The following HEATR4 variants were observed in gnomAD, a reference collection of about 807,000 sequenced individuals.
HEATR4 encodes HEAT repeat-containing protein 4.
A neutral mutation model predicts 108.8 loss-of-function variants in HEATR4; 95 were observed. That is an observed-to-expected ratio of 0.87 (90% CI 0.74 to 1.04). HEATR4 has a LOEUF of 1.04. Among genes scored for constraint, HEATR4 ranks in the 50% least tolerant of loss-of-function variants. The pLI is 0.00. For synonymous variants in HEATR4, 443 were observed against 459.4 expected, an observed-to-expected ratio of 0.96 and a Z score of 0.46; for missense variants, 1,152 against 1,253.8, an observed-to-expected ratio of 0.92 and a Z score of 1.23.
chr14:73,612,369 A>C, the HEATR4 span: 4 of 417,708 alleles, frequency 9.6e-6, no homozygotes, highest in Non-Finnish European at 1.7e-5. Context: ...TTATTTCAGC[A>C]GATACTCTTT....
Position 73,495,344 on chromosome 14 carries a change from A to G in HEATR4, c.2669T>C (p.Leu890Pro). ...TTTTCCCATGACCATCTCCAGCTTG[A>G]GTATTTTGTGTGTCAGCAAGTCCTT... ...SQKDLLTHKILKLEMVMGKVR... is the reference protein window; with the variant it reads ...SQKDLLTHKIPKLEMVMGKVR... Residue 890 changes from leucine (L) to proline (P), a missense_variant, in exon 16 of 18, where the codon CTC (leucine) becomes CCC (proline). By Grantham distance (98) the Leu-to-Pro change is moderately conservative. Coordinates refer to ENST00000553558, the MANE Select transcript of HEATR4 (RefSeq NM_001220484.1). 1 of 1,614,018 alleles carries G rather than the reference A, an allele frequency of 6.2e-7. No homozygotes were observed. Among genetic ancestry groups the G allele is most frequent in the East Asian group, 2.2e-5 (1 of 44,856 alleles).
At chr14:73,510,147 C>A (rs1005679359) in intron 7 of HEATR4, among the ~76,000 whole-genome samples, 2 of 151,798 alleles carry the variant, frequency 1.3e-5, no homozygotes, top group African/African-American at 4.8e-5. Context: ...AGACGTGTGC[C>A]ACCGCCCCCA....
chr14:73,566,067 G>A, the HEATR4 span, among the ~76,000 whole-genome samples: 1 of 152,010 alleles, frequency 6.6e-6, no homozygotes, highest in Non-Finnish European at 1.5e-5. Context: ...TTGACACAAA[G>A]GTTCTCCAAG....
At chr14:73,511,556 TAAATAAATAAAATA>T (rs1285275707) in intron 7 of HEATR4, among the ~76,000 whole-genome samples, 3 of 98,106 alleles carry the variant, frequency 3.1e-5, no homozygotes, top group African/African-American at 1.1e-4. Context: ...AATAAATAAA[TAAATAAATAAAATA>T]AAATAAAAAA....
rs111648899 is a variant in HEATR4 at position 73,505,811 on chromosome 14, A to G, written c.1986+656T>C. ...TCGAATGATCTTTGATGAAGAACCA[A>G]TTTTGGCGGGGGGGAAATATGTCAT... On this transcript the variant is annotated intron_variant, in intron 10 of 17. Transcript: ENST00000553558. Among the ~76,000 whole-genome samples the G allele has an allele frequency of 8.5e-3, 1,291 of 151,112 alleles. 15 individuals are homozygous for G. Among genetic ancestry groups the G allele is most frequent in the African/African-American group, 0.029 (1,197 of 41,090 alleles).
Position 73,545,978 on chromosome 14 carries a change from A to G in HEATR4, c.-152+12773T>C, listed in dbSNP as rs1319395740. On this transcript the variant is annotated intron_variant, in intron 1 of 17. Transcript: ENST00000553558. ...AGCCTGGGTAACATAGTGGGACACCATCTTATAAAAACAATTTTTTTTTGA... is the reference window on the plus strand; with the variant it reads ...AGCCTGGGTAACATAGTGGGACACCGTCTTATAAAAACAATTTTTTTTTGA... 3.7e-4 allele frequency among the ~76,000 whole-genome samples: 42 copies of G among 113,706 alleles called. 8 individuals carry two copies. The highest frequency in any genetic ancestry group is 1.2e-3 in the African/African-American group (41 of 35,120). The allele number at this position is 113,706 out of a possible 152,430, so 74.6% of individuals were successfully genotyped here.
chr14:73,482,499 G>A (rs961218380), intron 17 of HEATR4, among the ~76,000 whole-genome samples: 3 of 152,028 alleles, frequency 2.0e-5, no homozygotes, highest in African/African-American at 4.8e-5. Context: ...TCCAGTCTGG[G>A]CGACACAGCC....
intron 10 of HEATR4, 43 bp downstream of exon 10, chr14:73,506,424 C>G: frequency 6.9e-7 from 1 of 1,449,838 alleles, no homozygotes; most frequent in Non-Finnish European, 9.7e-7. Flanking sequence ...GTAGCTCAGC[C>G]TCTCTTAGGC....
At position 73,512,164 on chromosome 14, in the gene HEATR4, G is replaced by A; in HGVS notation, c.1415-15C>T. 6.2e-7 allele frequency: 1 copy of A among 1,613,888 alleles called. No homozygotes were observed. The highest frequency in any genetic ancestry group is 8.5e-7 in the Non-Finnish European group (1 of 1,179,868). On this transcript the variant is annotated splice_polypyrimidine_tract_variant and intron_variant, in intron 6 of 17. Coordinates refer to ENST00000553558, the MANE Select transcript of HEATR4 (RefSeq NM_001220484.1). ...CCACTCTATGACTGAGCCGCAGTGA[G>A]GGAAATGAAAAGAGAACCACCTGGT...
Position 73,523,106 on chromosome 14 carries a change from T to C in HEATR4, c.47A>G (p.Tyr16Cys). Residue 16 changes from tyrosine (Y) to cysteine (C), a missense_variant, in exon 3 of 18, where the codon TAT becomes TGT. Transcript: ENST00000553558. ...KGKTFLPHCF[Y>C]QSLPPRLGWG... ...TCCCAGTCGTGGGGGCAGTGACTGA[T>C]AGAAGCAATGGGGGAGAAAGGTCTT... 6.2e-7 allele frequency: 1 copy of C among 1,609,598 alleles called. No homozygotes were observed. Among genetic ancestry groups the C allele is most frequent in the Non-Finnish European group, 8.5e-7 (1 of 1,179,958 alleles).
chr14:73,584,938 T>C, the HEATR4 span, among the ~76,000 whole-genome samples: 5,656 of 150,790 alleles, frequency 0.038, 228 homozygotes, highest in East Asian at 0.2. Flanking sequence ...CCTGATCCCG[T>C]AACACCTTGG....
chr14:73,598,655 T>G, the HEATR4 span, among the ~76,000 whole-genome samples: 1 of 151,836 alleles, frequency 6.6e-6, no homozygotes, highest in South Asian at 2.1e-4. Flanking sequence ...TCACCTGAGG[T>G]CTAGAGTTTG....
chr14:73,497,893 TG>T (rs1244794136), intron 14 of HEATR4, among the ~76,000 whole-genome samples: 1 of 152,238 alleles, frequency 6.6e-6, no homozygotes, highest in Non-Finnish European at 1.5e-5. Flanking sequence ...CCCAAAGTGC[TG>T]GGATTACAGG....
chr14:73,526,037 G>C (rs1168521909), intron 2 of HEATR4, among the ~76,000 whole-genome samples: 2 of 151,984 alleles, frequency 1.3e-5, no homozygotes, highest in Non-Finnish European at 2.9e-5. Context: ...GTATCAAGAA[G>C]AGGCACTGAA....
At chr14:73,515,091 A>G (rs1018399010) in intron 5 of HEATR4, among the ~76,000 whole-genome samples, 1 of 151,832 alleles carries the variant, frequency 6.6e-6, no homozygotes, top group Non-Finnish European at 1.5e-5. Context: ...CAAAAAAAAA[A>G]CTATAGTTAT....
the HEATR4 span, among the ~76,000 whole-genome samples, chr14:73,578,840 A>C: frequency 6.6e-6 from 1 of 151,424 alleles, no homozygotes; most frequent in Non-Finnish European, 1.5e-5. Flanking sequence ...TAATCCCAGC[A>C]CTTTGGGAGG....
rs767385485 is a variant in HEATR4 at position 73,478,652 on chromosome 14, G to GA, written c.3034dup (p.Ser1012PhefsTer18). 6.2e-7 allele frequency: 1 copy of GA among 1,613,822 alleles called. No individual in the cohort carries two copies. The highest frequency in any genetic ancestry group is 2.2e-5 in the East Asian group (1 of 44,868). On this transcript the variant is annotated frameshift_variant, in exon 18 of 18. Coordinates refer to ENST00000553558, the MANE Select transcript of HEATR4 (RefSeq NM_001220484.1). LOFTEE classifies it low-confidence loss of function (END_TRUNC). Reference sequence around the variant, plus strand: ...TCCAGAGGGAGAAGACATGATGGGAGAAAAAAATGTTCTCTCTGAGAATTT... The same window carrying GA: ...TCCAGAGGGAGAAGACATGATGGGAGAAAAAAAATGTTCTCTCTGAGAATTT...
chr14:73,516,402 C>T (rs1475679983), intron 5 of HEATR4, among the ~76,000 whole-genome samples: 2 of 113,666 alleles, frequency 1.8e-5, no homozygotes, highest in Non-Finnish European at 3.4e-5. Flanking sequence ...ATTTGAAATC[C>T]CTCCTGAAGA....
At chr14:73,485,868 C>CAAAA (rs60903942) in intron 17 of HEATR4, among the ~76,000 whole-genome samples, 2 of 146,420 alleles carry the variant, frequency 1.4e-5, no homozygotes, top group African/African-American at 2.5e-5. Context: ...GACTCTGTCT[C>CAAAA]AAAAAAAAAA....
Sources: gnomAD v4.1 joint callset for allele counts (sites outside exome capture counted in the v4.1 genomes callset) on GRCh38, gnomAD v4.1.1 for gene constraint, MANE v1.5 for transcripts, NCBI Gene and HGNC (gene_info 2026-07-23, HGNC 2026-07-21) for gene names.